The following EIF4G3 variants were observed in gnomAD, a reference collection of about 807,000 sequenced individuals.
EIF4G3 encodes eIF-4-gamma 3.
Under a neutral mutation model 186.4 loss-of-function variants are expected in EIF4G3, and 34 were observed. The observed-to-expected ratio is 0.18, with a 90% CI of 0.14 to 0.24. The LOEUF (loss-of-function observed/expected upper bound fraction) is 0.24. Ranked by LOEUF, EIF4G3 falls within the 10% of genes least tolerant of loss-of-function variation. EIF4G3 has a pLI of 1.00. For missense variants in EIF4G3, 1,536 were observed against 1,948.5 expected (o/e 0.79, Z 3.99); for synonymous variants, 673 against 679.5 (o/e 0.99, Z 0.15).
intron 3 of EIF4G3, among the ~76,000 whole-genome samples, chr1:21,054,991 TCC>T (rs1331724860): frequency 1.3e-5 from 2 of 152,190 alleles, no homozygotes; most frequent in African/African-American, 4.8e-5. Flanking sequence ...AAATTTTGTT[TCC>T]AATTTTGAGT....
chr1:21,057,469 T>A (rs1331698482), intron 3 of EIF4G3, among the ~76,000 whole-genome samples: 1 of 152,168 alleles, frequency 6.6e-6, no homozygotes, highest in Non-Finnish European at 1.5e-5. Context: ...AGTCAATAGA[T>A]GTACACATGT....
chr1:21,024,151 C>A (rs1256547531), intron 4 of EIF4G3, among the ~76,000 whole-genome samples: 3 of 142,898 alleles, frequency 2.1e-5, no homozygotes, highest in East Asian at 2.0e-4. Flanking sequence ...GCAGTCACCC[C>A]GTCCGGGAGG....
chr1:20,913,327 A>C (rs1442671428), intron 14 of EIF4G3, among the ~76,000 whole-genome samples: 1 of 152,154 alleles, frequency 6.6e-6, no homozygotes, highest in Non-Finnish European at 1.5e-5. Context: ...TGAGGCCAGG[A>C]GTTCCAAGAC....
At chr1:21,001,687 G>A (rs761144056) in intron 5 of EIF4G3, among the ~76,000 whole-genome samples, 5 of 152,142 alleles carry the variant, frequency 3.3e-5, no homozygotes, top group African/African-American at 1.2e-4. Context: ...CCACCCACTG[G>A]GGAGAACCAG....
chr1:20,845,037 T>C (rs991730027), intron 29 of EIF4G3, among the ~76,000 whole-genome samples: 1 of 152,202 alleles, frequency 6.6e-6, no homozygotes, highest in Non-Finnish European at 1.5e-5. Context: ...CATCATGAAA[T>C]CTTTGCCTGT....
chr1:21,049,090 C>T (rs1252704325), intron 4 of EIF4G3, among the ~76,000 whole-genome samples: 1 of 152,190 alleles, frequency 6.6e-6, no homozygotes, highest in Non-Finnish European at 1.5e-5. Flanking sequence ...CTGTGGGAAA[C>T]AGATATGCAG....
At chr1:20,969,661 T>C in intron 11 of EIF4G3, 65 bp from the exon 12 acceptor site, 17 of 1,529,314 alleles carry the variant, frequency 1.1e-5, no homozygotes, top group Non-Finnish European at 1.5e-5. Context: ...TATAGGCATA[T>C]AAGTGAGTTA....
intron 33 of EIF4G3, among the ~76,000 whole-genome samples, chr1:20,824,246 C>T (rs1435827639): frequency 6.6e-6 from 1 of 152,234 alleles, no homozygotes; most frequent in Non-Finnish European, 1.5e-5. Flanking sequence ...GGCAAGAATG[C>T]TCTTCAGTGT....
At chr1:21,116,550 A>T (rs2096826297) in intron 2 of EIF4G3, among the ~76,000 whole-genome samples, 1 of 152,128 alleles carries the variant, frequency 6.6e-6, no homozygotes, top group African/African-American at 2.4e-5. Context: ...AAAATATCAA[A>T]ATACAGGCCA....
intron 2 of EIF4G3, among the ~76,000 whole-genome samples, chr1:21,157,893 T>C (rs921762635): frequency 2.6e-5 from 4 of 152,192 alleles, no homozygotes; most frequent in Non-Finnish European, 4.4e-5. Flanking sequence ...TGCAGCTGAA[T>C]AGCAGTTAAG....
At chr1:20,985,458 T>A (rs2079243648) in intron 7 of EIF4G3, among the ~76,000 whole-genome samples, 1 of 150,226 alleles carries the variant, frequency 6.7e-6, no homozygotes, top group Non-Finnish European at 1.5e-5. Flanking sequence ...CAGGATCACT[T>A]ACACACACAC....
intron 2 of EIF4G3, among the ~76,000 whole-genome samples, chr1:21,148,956 T>C (rs550428894): frequency 6.6e-6 from 1 of 151,730 alleles, no homozygotes; most frequent in South Asian, 2.1e-4. Context: ...ACTGGCCAGG[T>C]AGGGTGGCTC....
At chr1:20,871,198 G>A (rs2079107352) in intron 20 of EIF4G3, among the ~76,000 whole-genome samples, 1 of 152,122 alleles carries the variant, frequency 6.6e-6, no homozygotes, top group Non-Finnish European at 1.5e-5. Context: ...TGAATGACAT[G>A]GAAAGAGAAA....
At chr1:21,173,317 C>T (rs1017473502) in intron 2 of EIF4G3, among the ~76,000 whole-genome samples, 1 of 151,806 alleles carries the variant, frequency 6.6e-6, no homozygotes, top group African/African-American at 2.4e-5. Flanking sequence ...CTGCCTTGGC[C>T]TCCTGAGTAG....
chr1:20,817,827 A>G (rs1462558095), intron 33 of EIF4G3, among the ~76,000 whole-genome samples: 1 of 150,498 alleles, frequency 6.6e-6, no homozygotes, highest in Non-Finnish European at 1.5e-5. Flanking sequence ...GACCCACACC[A>G]CCACACTTGG....
At chr1:20,811,200 C>T (rs1002423970) in intron 35 of EIF4G3, among the ~76,000 whole-genome samples, 1 of 152,058 alleles carries the variant, frequency 6.6e-6, no homozygotes, top group African/African-American at 2.4e-5. Context: ...GCGATCCACC[C>T]GCCTCAGCCT....
chr1:20,992,495 A>T (rs1471028422), intron 7 of EIF4G3, among the ~76,000 whole-genome samples: 1 of 152,160 alleles, frequency 6.6e-6, no homozygotes. Flanking sequence ...CACAATTTCA[A>T]CGCTTGCCAC....
At chr1:21,167,239 C>T (rs1179082833) in intron 2 of EIF4G3, among the ~76,000 whole-genome samples, 1 of 152,194 alleles carries the variant, frequency 6.6e-6, no homozygotes, top group African/African-American at 2.4e-5. Context: ...ATTTTCTATT[C>T]CCACTTAATT....
chr1:21,175,808 ACAAC>A (rs958689965), intron 2 of EIF4G3: 7 of 154,018 alleles, frequency 4.5e-5, no homozygotes, highest in African/African-American at 1.4e-4. Flanking sequence ...AATCCTCACA[ACAAC>A]CAGAGAAAAG....
Sources: gnomAD v4.1 joint callset for allele counts (sites outside exome capture counted in the v4.1 genomes callset) on GRCh38, gnomAD v4.1.1 for gene constraint, MANE v1.5 for transcripts, NCBI Gene and HGNC (gene_info 2026-07-23, HGNC 2026-07-21) for gene names.